DSCAML1: variants seen among roughly 807,000 people sequenced by gnomAD.
The protein encoded by DSCAML1 is cell adhesion molecule DSCAML1.
DSCAML1 carries 38 observed loss-of-function variants against 200.5 expected under a neutral mutation model. That is an observed-to-expected ratio of 0.19 (90% CI 0.15 to 0.25). The LOEUF (loss-of-function observed/expected upper bound fraction) is 0.25, where lower values mean the gene tolerates loss of function less well. DSCAML1 is among the 10% of genes least tolerant of loss of function. DSCAML1 has a pLI of 1.00. For synonymous variants in DSCAML1, 1,215 were observed against 1,165.0 expected, an observed-to-expected ratio of 1.04 and a Z score of -0.87; for missense variants, 2,223 against 2,858.8, an observed-to-expected ratio of 0.78 and a Z score of 5.07.
intron 3 of DSCAML1, among the ~76,000 whole-genome samples, chr11:117,628,346 T>A (rs7928623): frequency 2.0e-5 from 3 of 152,136 alleles, no homozygotes; most frequent in Non-Finnish European, 4.4e-5. Context: ...CTGATCCTCA[T>A]GACCTCTGAG....
intron 2 of DSCAML1, among the ~76,000 whole-genome samples, chr11:117,778,552 G>A (rs908452051): frequency 6.6e-6 from 1 of 152,234 alleles, no homozygotes; most frequent in African/African-American, 2.4e-5. Context: ...GCGTATAAAA[G>A]GCCCAGCCCA....
intron 3 of DSCAML1, among the ~76,000 whole-genome samples, chr11:117,666,938 T>A (rs899943321): frequency 1.3e-5 from 2 of 152,152 alleles, no homozygotes; most frequent in Non-Finnish European, 2.9e-5. Flanking sequence ...GTATTCACCA[T>A]CATGCAGTTT....
In DSCAML1 at chr11:117,505,595, A is replaced by G. The variant is rs1482577933; in HGVS notation, c.1921T>C (p.Ser641Pro). 1 of 1,613,714 alleles carries G rather than the reference A, an allele frequency of 6.2e-7. No homozygotes were observed. The highest frequency in any genetic ancestry group is 8.5e-7 in the Non-Finnish European group (1 of 1,179,982). ...RKDGQVIISG[S>P]GVTIESKEFM... ...TCCTTGCTCTCGATGGTCACGCCCGAGCCTGAGATGATCACCTGTCCGTCC... is the reference window on the plus strand; with the variant it reads ...TCCTTGCTCTCGATGGTCACGCCCGGGCCTGAGATGATCACCTGTCCGTCC... Residue 641 changes from serine to proline, a missense_variant, in exon 9 of 33, where the codon TCG becomes CCG. Transcript: ENST00000651296. This position sits in a 1 kb window ranked among gnomAD's most constrained non-coding sequence, Gnocchi z 6.7.
intron 3 of DSCAML1, among the ~76,000 whole-genome samples, chr11:117,704,324 TCTTC>T (rs1468494957): frequency 1.8e-4 from 27 of 152,230 alleles, no homozygotes; most frequent in Non-Finnish European, 3.5e-4. Context: ...TGTTCTTTTT[TCTTC>T]CTTCTACCCA....
At chr11:117,551,995 C>T (rs2050475129) in intron 3 of DSCAML1, among the ~76,000 whole-genome samples, 1 of 134,698 alleles carries the variant, frequency 7.4e-6, no homozygotes, top group Admixed American at 9.2e-5. Context: ...ACTCATTATA[C>T]TTTTGAAAGG....
Position 117,603,155 on chromosome 11 carries a change from C to G in DSCAML1, c.512-70633G>C, listed in dbSNP as rs532484592. Among the ~76,000 whole-genome samples the G allele has an allele frequency of 5.3e-4, 81 of 152,268 alleles. 1 individual carries two copies. The South Asian group carries it at 0.016, about 29-fold the overall frequency. ...AACCAATCAGAGACCAGTGCAAGGT[C>G]CCATATGAGGAACTGACACAGAGTC... On this transcript the variant is annotated intron_variant, in intron 3 of 32. Transcript: ENST00000651296.
In DSCAML1 at chr11:117,444,031, G is replaced by T. The variant is rs554748554; in HGVS notation, c.3717C>A (p.Ser1239Arg). The change falls in exon 21 of 33, where the codon AGC becomes AGA. Residue 1239 changes from serine to arginine, a missense_variant. Ser to Arg is a moderately radical substitution (Grantham distance 110). This residue lies in a region of DSCAML1 where 614 missense variants were observed against 739.1 expected (regional missense o/e 0.83). Coordinates refer to ENST00000651296, the MANE Select transcript of DSCAML1 (RefSeq NM_020693.4). ...SSPGSGQPAP[S>R]EYETSPEQLF... ...GCTGCTCTGGACTCGTCTCGTACTC[G>T]CTGGGAGCCTGCGGGGCAGAGGCAA... is the stretch of plus-strand genomic sequence containing the variant. 1 of 1,611,564 alleles carries T rather than the reference G, an allele frequency of 6.2e-7. No homozygotes were observed. Among genetic ancestry groups the T allele is most frequent in the East Asian group, 2.2e-5 (1 of 44,790 alleles).
chr11:117,534,796 G>C (rs1236663092), intron 3 of DSCAML1, among the ~76,000 whole-genome samples: 1 of 152,126 alleles, frequency 6.6e-6, no homozygotes, highest in Non-Finnish European at 1.5e-5. Flanking sequence ...AATTTTTGTA[G>C]AGATGAGGTC....
chr11:117,714,152 G>T (rs2053904881), intron 3 of DSCAML1, among the ~76,000 whole-genome samples: 1 of 152,200 alleles, frequency 6.6e-6, no homozygotes, highest in African/African-American at 2.4e-5. Flanking sequence ...AAGTTGCTTA[G>T]ACTAGTACCT....
intron 11 of DSCAML1, among the ~76,000 whole-genome samples, chr11:117,490,839 G>A (rs1435374868): frequency 6.6e-6 from 1 of 152,208 alleles, no homozygotes; most frequent in African/African-American, 2.4e-5. Flanking sequence ...GAGAGTGAAG[G>A]TGAGTGGGGG....
chr11:117,564,252 T>C (rs1313577240), intron 3 of DSCAML1, among the ~76,000 whole-genome samples: 2 of 152,232 alleles, frequency 1.3e-5, no homozygotes, highest in Non-Finnish European at 2.9e-5. Context: ...CTGGTCTCTT[T>C]GGACTGATGA....
At chr11:117,576,093 G>A (rs1243937945) in intron 3 of DSCAML1, among the ~76,000 whole-genome samples, 1 of 152,134 alleles carries the variant, frequency 6.6e-6, no homozygotes, top group Admixed American at 6.5e-5. Flanking sequence ...TATCTGCAGA[G>A]CCTGGGCTCT....
At chr11:117,628,421 G>A (rs1054126762) in intron 3 of DSCAML1, among the ~76,000 whole-genome samples, 3 of 152,328 alleles carry the variant, frequency 2.0e-5, no homozygotes, top group Middle Eastern at 3.4e-3. Flanking sequence ...CGACCTCCTC[G>A]TGCAGGGAGA....
chr11:117,700,286 A>T (rs1488228906), intron 3 of DSCAML1, among the ~76,000 whole-genome samples: 1 of 152,220 alleles, frequency 6.6e-6, no homozygotes, highest in African/African-American at 2.4e-5. Context: ...GGTCTCAAAG[A>T]TGCTAAACTG....
rs754237216 is a variant in DSCAML1, at chr11:117,481,205, C to T, written c.2625G>A (p.Glu875=). The T allele has an allele frequency of 3.1e-6, 5 of 1,613,790 alleles. No individual in the cohort carries two copies. The African/African-American group carries it at 6.7e-5, about 22-fold the overall frequency. ...FSCHAINSYG[E]DRGLIQLTVQ... ...CAGTGAGTTGGATCAAGCCCCGGTC[C>T]TCCCCATACGAGTTGATGGCATGGC... The change falls in exon 13 of 33, where the codon GAG becomes GAA. Residue 875 remains glutamate, a synonymous_variant. Transcript: ENST00000651296.
chr11:117,756,433 G>A (rs1030714960), intron 3 of DSCAML1, among the ~76,000 whole-genome samples: 1 of 152,208 alleles, frequency 6.6e-6, no homozygotes, highest in Non-Finnish European at 1.5e-5. Flanking sequence ...GAGCAAGGAA[G>A]CAGAATTCGG....
intron 3 of DSCAML1, among the ~76,000 whole-genome samples, chr11:117,560,149 G>A (rs1049002809): frequency 1.3e-5 from 2 of 152,116 alleles, no homozygotes; most frequent in Admixed American, 6.5e-5. Context: ...AGAATTTAAG[G>A]GCTGGAAAGG....
At chr11:117,764,300 T>A (rs970880779) in intron 3 of DSCAML1, among the ~76,000 whole-genome samples, 3 of 152,242 alleles carry the variant, frequency 2.0e-5, no homozygotes. Context: ...AGTGTGTGCA[T>A]GAGTGTGTGA....
chr11:117,574,469 C>T (rs909031192), intron 3 of DSCAML1, among the ~76,000 whole-genome samples: 2 of 152,242 alleles, frequency 1.3e-5, no homozygotes, highest in African/African-American at 2.4e-5. Flanking sequence ...AAATCACCTA[C>T]TCTCTGCTCT....
Sources: gnomAD v4.1 joint callset for allele counts (sites outside exome capture counted in the v4.1 genomes callset) on GRCh38, gnomAD v4.1.1 for gene constraint, gnomAD v4.1.1 regional missense constraint, Gnocchi (gnomAD v3.1) non-coding constraint, MANE v1.5 for transcripts, NCBI Gene and HGNC (gene_info 2026-07-23, HGNC 2026-07-21) for gene names.